The following CACNA1E variants were observed in gnomAD, a reference collection of about 807,000 sequenced individuals.
CACNA1E encodes the protein calcium voltage-gated channel subunit alpha1 E.
Under a neutral mutation model 259.2 loss-of-function variants are expected in CACNA1E, and 40 were observed. The ratio of observed to expected loss-of-function variants is 0.15; its 90% CI spans 0.12 to 0.20. The LOEUF is 0.20. CACNA1E is among the 10% of genes least tolerant of loss of function. CACNA1E has a pLI of 1.00. For synonymous variants in CACNA1E, 1,104 were observed against 1,138.5 expected (o/e 0.97, Z 0.61); for missense variants, 1,874 against 3,040.1 (o/e 0.62, Z 9.02).
intron 1 of CACNA1E, among the ~76,000 whole-genome samples, chr1:181,500,983 A>T (rs2102563007): frequency 6.6e-6 from 1 of 152,324 alleles, no homozygotes; most frequent in East Asian, 1.9e-4. Flanking sequence ...CCTGAAATGC[A>T]CGTTGCTGCC....
At chr1:181,788,559 C>T (rs140563697) in intron 43 of CACNA1E, among the ~76,000 whole-genome samples, 29 of 152,238 alleles carry the variant, frequency 1.9e-4, no homozygotes, top group African/African-American at 5.5e-4. Context: ...TTAGAGTGGC[C>T]TCTACTAAAA....
At position 181,461,338 on chromosome 1, in the gene CACNA1E, G is replaced by A. The variant is rs538244625; in HGVS notation, c.435-22406G>A. 1.3e-4 allele frequency among the ~76,000 whole-genome samples: 19 copies of A among 151,772 alleles called. No individual in the cohort carries two copies. In the South Asian group the frequency reaches 3.7e-3, roughly 30 times the overall value. ...GGGCGGATCACGAGGTCAGGAGATC[G>A]AGACCATCCTGGCTAACACGGTGAA... On this transcript the variant is annotated intron_variant, in intron 2 of 11. Transcript: ENST00000524607.
At chr1:181,663,828 G>T (rs1158757020) in intron 7 of CACNA1E, among the ~76,000 whole-genome samples, 1 of 152,062 alleles carries the variant, frequency 6.6e-6, no homozygotes, top group African/African-American at 2.4e-5. Flanking sequence ...TATACCATTT[G>T]CCCATTTTCC....
rs1662226305 is a variant in CACNA1E, at chr1:181,800,957, T to G, written c.*2123T>G. 6.5e-6 allele frequency: 1 copy of G among 152,676 alleles called. No homozygotes were observed. Among genetic ancestry groups the G allele is most frequent in the Non-Finnish European group, 1.5e-5 (1 of 68,066 alleles). 9.5% of individuals were successfully genotyped at this position (152,676 alleles called of 1,614,324 possible). On this transcript the variant is annotated 3_prime_UTR_variant, in exon 48 of 48. Transcript: ENST00000367573. ...TTTTGTCTTCATTTTCCTCTCCCAC[T>G]TAGCACATGTGTGCTTGAGGGTGGC... is the stretch of plus-strand genomic sequence containing the variant.
chr1:181,592,547 A>G (rs1652764506), intron 6 of CACNA1E, among the ~76,000 whole-genome samples: 1 of 151,858 alleles, frequency 6.6e-6, no homozygotes, highest in African/African-American at 2.4e-5. Context: ...AATTTATTTC[A>G]GTGTTTACAG....
intron 3 of CACNA1E, among the ~76,000 whole-genome samples, chr1:181,576,619 C>T (rs1200959883): frequency 5.3e-5 from 8 of 152,080 alleles, no homozygotes; most frequent in South Asian, 4.1e-4. Flanking sequence ...TTTTTGCCAC[C>T]CTTTGACTAT....
intron 1 of CACNA1E, among the ~76,000 whole-genome samples, chr1:181,397,774 C>A (rs1161794873): frequency 6.6e-6 from 1 of 152,196 alleles, no homozygotes; most frequent in Non-Finnish European, 1.5e-5. Flanking sequence ...AGCTCCGCAG[C>A]CCTGGGGATT....
intron 2 of CACNA1E, among the ~76,000 whole-genome samples, chr1:181,455,475 G>A (rs1020133402): frequency 1.3e-5 from 2 of 152,164 alleles, no homozygotes; most frequent in African/African-American, 4.8e-5. Context: ...AGGGAGAAAA[G>A]TTTGGATGCC....
intron 16 of CACNA1E, among the ~76,000 whole-genome samples, chr1:181,723,843 C>T (rs973456875): frequency 1.3e-5 from 2 of 152,192 alleles, no homozygotes; most frequent in African/African-American, 4.8e-5. Flanking sequence ...ATATCCTCTC[C>T]GGGAGTGCCA....
Position 181,363,051 on chromosome 1 carries a change from G to C in CACNA1E, c.-15+44928G>C, listed in dbSNP as rs113585711. ...GGCCCTCAAGGGCTCTGTGGACATA[G>C]TTCCCCCTGGGGGACCATCTACAGG... is the stretch of plus-strand genomic sequence containing the variant. On this transcript the variant is annotated intron_variant, in intron 1 of 11. Coordinates refer to the CACNA1E transcript ENST00000524607. 8.6e-3 allele frequency among the ~76,000 whole-genome samples: 1,306 copies of C among 152,312 alleles called. 14 individuals carry two copies. Among genetic ancestry groups the C allele is most frequent in the Admixed American group, 0.039 (592 of 15,292 alleles).
intron 1 of CACNA1E, among the ~76,000 whole-genome samples, chr1:181,497,714 T>G (rs1558056120): frequency 6.6e-6 from 1 of 152,222 alleles, no homozygotes; most frequent in Admixed American, 6.5e-5. Flanking sequence ...TGCCTTGGGT[T>G]AGACCAGAAG....
At chr1:181,562,339 C>A in intron 3 of CACNA1E, among the ~76,000 whole-genome samples, 1 of 152,218 alleles carries the variant, frequency 6.6e-6, no homozygotes, top group East Asian at 1.9e-4. Flanking sequence ...GCATGACAGG[C>A]CATTGTGTTG....
chr1:181,797,661 C>G (rs746771671), intron 47 of CACNA1E, among the ~76,000 whole-genome samples: 5 of 152,154 alleles, frequency 3.3e-5, no homozygotes, highest in African/African-American at 7.2e-5. Context: ...GCAGGAGGTT[C>G]GTAGGTCACA....
At chr1:181,703,176 G>A (rs77686377) in intron 7 of CACNA1E, among the ~76,000 whole-genome samples, 23,957 of 152,026 alleles carry the variant, frequency 0.16, 2,005 homozygotes, top group South Asian at 0.25. Flanking sequence ...TTTTGGAGGT[G>A]GAATGAATAT....
At chr1:181,678,120 C>G (rs555709042) in intron 7 of CACNA1E, among the ~76,000 whole-genome samples, 2 of 152,252 alleles carry the variant, frequency 1.3e-5, no homozygotes, top group African/African-American at 4.8e-5. Context: ...GCTGCCTCTT[C>G]AACTTTAATC....
intron 3 of CACNA1E, among the ~76,000 whole-genome samples, chr1:181,549,764 A>G (rs1325234565): frequency 6.6e-6 from 1 of 152,214 alleles, no homozygotes; most frequent in Non-Finnish European, 1.5e-5. Context: ...AGGTGCAGGC[A>G]TGGAGACCAG....
At chr1:181,754,261 C>T (rs892318001) in intron 27 of CACNA1E, among the ~76,000 whole-genome samples, 2 of 152,162 alleles carry the variant, frequency 1.3e-5, no homozygotes, top group Non-Finnish European at 2.9e-5. Context: ...CCTCGCTCTG[C>T]AGCTCCATAA....
intron 1 of CACNA1E, among the ~76,000 whole-genome samples, chr1:181,325,230 A>T (rs778250639): frequency 9.9e-5 from 15 of 152,176 alleles, no homozygotes; most frequent in Non-Finnish European, 2.1e-4. Flanking sequence ...CCTTTGAGAC[A>T]TCTTGTGTGA....
intron 1 of CACNA1E, among the ~76,000 whole-genome samples, chr1:181,373,537 C>CTTTTT (rs5779097): frequency 1.4e-4 from 17 of 120,910 alleles, no homozygotes; most frequent in Admixed American, 1.7e-4. Flanking sequence ...TCTTTTCTTT[C>CTTTTT]TTTTTTTTTT....
Sources: gnomAD v4.1 joint callset for allele counts (sites outside exome capture counted in the v4.1 genomes callset) on GRCh38, gnomAD v4.1.1 for gene constraint, MANE v1.5 for transcripts, NCBI Gene and HGNC (gene_info 2026-07-23, HGNC 2026-07-21) for gene names.